Variants in KCNAB1 observed in about 807,000 individuals in gnomAD.
The protein encoded by KCNAB1 is voltage-gated potassium channel subunit beta-1.
Under a neutral mutation model 64.6 loss-of-function variants are expected in KCNAB1, and 35 were observed. The observed-to-expected ratio is 0.54, with a 90% confidence interval of 0.41 to 0.72. KCNAB1 has a LOEUF of 0.72. Among genes scored for constraint, KCNAB1 ranks in the 30% least tolerant of loss-of-function variants. The probability of loss-of-function intolerance (pLI) is 0.00; values close to 1 mark genes in which losing one functional copy is unlikely to be tolerated. For missense variants in KCNAB1, 401 were observed against 512.9 expected, an observed-to-expected ratio of 0.78 and a Z score of 2.11; for synonymous variants, 177 against 183.8, an observed-to-expected ratio of 0.96 and a Z score of 0.30.
At chr3:156,170,088 G>A (rs1462974278) in intron 1 of KCNAB1, among the ~76,000 whole-genome samples, 2 of 152,138 alleles carry the variant, frequency 1.3e-5, no homozygotes, top group African/African-American at 4.8e-5. Context: ...TTGGGGCCAA[G>A]CACATTGTGT....
chr3:156,472,091 A>C lies in KCNAB1; in HGVS notation c.572-2643A>C, dbSNP rs547902114. ...GTGACTGAGGTGCTACTTAGACTCAACTTGGCTCCCCGACCACCTCCGGTT... is the reference window on the plus strand; with the variant it reads ...GTGACTGAGGTGCTACTTAGACTCACCTTGGCTCCCCGACCACCTCCGGTT... On this transcript the variant is annotated intron_variant, in intron 7 of 13. Coordinates refer to ENST00000490337, the MANE Select transcript of KCNAB1 (RefSeq NM_172160.3). 2.0e-5 allele frequency among the ~76,000 whole-genome samples: 3 copies of C among 152,296 alleles called. No homozygotes were observed. The East Asian group carries it at 5.8e-4, about 29-fold the overall frequency.
At chr3:156,481,867 G>A (rs1399524755) in intron 8 of KCNAB1, among the ~76,000 whole-genome samples, 1 of 152,136 alleles carries the variant, frequency 6.6e-6, no homozygotes, top group Non-Finnish European at 1.5e-5. Context: ...AGTTAACAAT[G>A]TGGTTACAGC....
intron 1 of KCNAB1, among the ~76,000 whole-genome samples, chr3:156,223,225 T>G (rs990017444): frequency 2.0e-5 from 3 of 152,158 alleles, no homozygotes; most frequent in Non-Finnish European, 2.9e-5. Flanking sequence ...ATAAAGGCAG[T>G]GTGGACCCAA....
At chr3:156,243,195 AC>A (rs2108451833) in intron 1 of KCNAB1, among the ~76,000 whole-genome samples, 1 of 151,862 alleles carries the variant, frequency 6.6e-6, no homozygotes, top group African/African-American at 2.4e-5. Flanking sequence ...GGCGTGAGCC[AC>A]CGCACCTGGC....
At chr3:156,154,290 C>T (rs1334176996) in intron 1 of KCNAB1, among the ~76,000 whole-genome samples, 1 of 152,184 alleles carries the variant, frequency 6.6e-6, no homozygotes, top group Admixed American at 6.5e-5. Context: ...TTCTCCACTC[C>T]TCTCACCACC....
intron 1 of KCNAB1, among the ~76,000 whole-genome samples, chr3:156,131,478 C>T (rs1006346893): frequency 1.3e-5 from 2 of 152,174 alleles, no homozygotes; most frequent in African/African-American, 4.8e-5. Flanking sequence ...GCTCTGGTTC[C>T]CAATCCAGGA....
intron 3 of KCNAB1, among the ~76,000 whole-genome samples, chr3:156,453,682 T>A (rs1396387636): frequency 1.3e-5 from 2 of 152,176 alleles, no homozygotes; most frequent in Non-Finnish European, 2.9e-5. Flanking sequence ...ATGCAGGCAT[T>A]GAGCACCAAG....
chr3:156,411,800 T>G (rs985821449), intron 1 of KCNAB1, among the ~76,000 whole-genome samples: 1 of 152,196 alleles, frequency 6.6e-6, no homozygotes, highest in Non-Finnish European at 1.5e-5. Flanking sequence ...ATATTAAATC[T>G]TGAAATCAGA....
At chr3:156,262,893 T>A (rs1157607455) in intron 1 of KCNAB1, among the ~76,000 whole-genome samples, 1 of 151,886 alleles carries the variant, frequency 6.6e-6, no homozygotes, top group Non-Finnish European at 1.5e-5. Context: ...TTTGGTAATT[T>A]GTGTTGTTTT....
In KCNAB1 at chr3:156,176,965, G is replaced by C. The variant is rs1304729961; in HGVS notation, c.275+56079G>C. 7.3e-6 allele frequency: 5 copies of C among 689,244 alleles called. No individual in the cohort carries two copies. In the East Asian group the frequency reaches 1.2e-4, roughly 17 times the overall value. 42.7% of individuals were successfully genotyped at this position (689,244 alleles called of 1,614,324 possible). ...TTGAGGCCCACCTGCCTCCATTTTTGTGCCACTTCCTCCGTGGAGCTCTCC... is the reference window on the plus strand; with the variant it reads ...TTGAGGCCCACCTGCCTCCATTTTTCTGCCACTTCCTCCGTGGAGCTCTCC... On this transcript the variant is annotated intron_variant, in intron 1 of 13. Coordinates refer to ENST00000490337, the MANE Select transcript of KCNAB1 (RefSeq NM_172160.3).
rs1450098596 is a variant in KCNAB1 at position 156,279,225 on chromosome 3, T to C, written c.276-142391T>C. Among the ~76,000 whole-genome samples the C allele has an allele frequency of 4.6e-5, 7 of 151,168 alleles. No homozygotes were observed. In the East Asian group the frequency reaches 1.4e-3, roughly 29 times the overall value. The stretch of plus-strand genomic sequence containing the variant: ...AGTGAGAATATGCGGTGTTTGGTTT[T>C]TTGTTCTTGCGATAGTTTACTGAGA... On this transcript the variant is annotated intron_variant, in intron 1 of 13. Coordinates refer to ENST00000490337, the MANE Select transcript of KCNAB1 (RefSeq NM_172160.3).
Position 156,387,027 on chromosome 3 carries a change from T to C in KCNAB1, c.276-34589T>C, listed in dbSNP as rs946650812. Among the ~76,000 whole-genome samples the C allele has an allele frequency of 4.7e-5, 7 of 148,912 alleles. 1 individual carries two copies. The highest frequency in any genetic ancestry group is 1.8e-4 in the African/African-American group (7 of 39,798). ...CTTTCTCTCTCTCTTTTTTTTTTTT[T>C]TTTTTTTGCCTGTATGCTACTCTAC... On this transcript the variant is annotated intron_variant, in intron 1 of 13. Coordinates refer to ENST00000490337, the MANE Select transcript of KCNAB1 (RefSeq NM_172160.3).
chr3:156,154,202 G>C (rs1715579710), intron 1 of KCNAB1, among the ~76,000 whole-genome samples: 1 of 152,020 alleles, frequency 6.6e-6, no homozygotes, highest in African/African-American at 2.4e-5. Context: ...ATTACAGTCT[G>C]ACTAAGGTCA....
intron 1 of KCNAB1, among the ~76,000 whole-genome samples, chr3:156,261,014 A>G (rs923724934): frequency 1.3e-5 from 2 of 152,230 alleles, no homozygotes; most frequent in East Asian, 3.9e-4. Flanking sequence ...AAATCTTTTC[A>G]TGTACTCATT....
At chr3:156,317,865 A>G (rs1722382856) in intron 1 of KCNAB1, among the ~76,000 whole-genome samples, 2 of 152,218 alleles carry the variant, frequency 1.3e-5, no homozygotes, top group Admixed American at 1.3e-4. Context: ...TTAGCAAATA[A>G]CATTGTAGAG....
At chr3:156,503,635 G>T (rs1395162054) in intron 8 of KCNAB1, among the ~76,000 whole-genome samples, 1 of 152,134 alleles carries the variant, frequency 6.6e-6, no homozygotes, top group African/African-American at 2.4e-5. Context: ...GGGAATTTTA[G>T]GTTCTAAAGT....
intron 1 of KCNAB1, among the ~76,000 whole-genome samples, chr3:156,167,045 T>G (rs932551305): frequency 6.6e-6 from 1 of 152,190 alleles, no homozygotes. Context: ...AGCACCCTAC[T>G]CTGGCTCCAA....
intron 1 of KCNAB1, among the ~76,000 whole-genome samples, chr3:156,355,344 C>T (rs1404437844): frequency 6.6e-6 from 1 of 152,116 alleles, no homozygotes; most frequent in African/African-American, 2.4e-5. Context: ...CTAACTCAGT[C>T]TAACAAGCAT....
intron 1 of KCNAB1, among the ~76,000 whole-genome samples, chr3:156,142,007 C>T (rs1231094069): frequency 6.6e-6 from 1 of 152,140 alleles, no homozygotes; most frequent in Non-Finnish European, 1.5e-5. Context: ...TCCCTAATGG[C>T]TAATGATCTT....
Sources: gnomAD v4.1 joint callset for allele counts (sites outside exome capture counted in the v4.1 genomes callset) on GRCh38, gnomAD v4.1.1 for gene constraint, MANE v1.5 for transcripts, NCBI Gene and HGNC (gene_info 2026-07-23, HGNC 2026-07-21) for gene names.